ACTN4: variants seen among roughly 807,000 people sequenced by gnomAD.
ACTN4 encodes the protein actinin alpha 4.
In ACTN4, 18 loss-of-function variants were observed where a neutral mutation model predicts 114.2. The observed-to-expected ratio is 0.16, with a 90% confidence interval of 0.11 to 0.23. The LOEUF (loss-of-function observed/expected upper bound fraction) is 0.23. Among genes scored for constraint, ACTN4 ranks in the 10% least tolerant of loss-of-function variants. ACTN4 has a pLI of 1.00. For missense variants in ACTN4, 722 were observed against 1,262.9 expected (o/e 0.57, Z 6.49); for synonymous variants, 515 against 506.3 (o/e 1.02, Z -0.23).
chr19:38,652,813 C>T (rs1261035005), intron 1 of ACTN4, among the ~76,000 whole-genome samples: 1 of 152,192 alleles, frequency 6.6e-6, no homozygotes, highest in Admixed American at 6.5e-5. Context: ...TGGCCGGGCG[C>T]AGTGGCTCGC....
At position 38,681,586 on chromosome 19, in the gene ACTN4, C is replaced by T. The variant is rs572335244; in HGVS notation, c.163-19014C>T. Among the ~76,000 whole-genome samples the T allele has an allele frequency of 3.9e-5, 6 of 152,330 alleles. No homozygotes were observed. In the South Asian group the frequency reaches 1.0e-3, roughly 26 times the overall value. On this transcript the variant is annotated intron_variant, in intron 1 of 20. Coordinates refer to ENST00000252699, the MANE Select transcript of ACTN4 (RefSeq NM_004924.6). The stretch of plus-strand genomic sequence containing the variant: ...ACCTTCTCTCCAGGTCACCACTGAT[C>T]GCAATCGCGCTCTCCTTTCAAGGCC...
At chr19:38,679,678 G>C (rs1422134317) in intron 1 of ACTN4, among the ~76,000 whole-genome samples, 1 of 151,540 alleles carries the variant, frequency 6.6e-6, no homozygotes, top group East Asian at 1.9e-4. Context: ...TGCGGCCTCT[G>C]AACTCCTGGG....
In ACTN4 at chr19:38,724,139, C is replaced by T. The variant is rs1599857332; in HGVS notation, c.1693-18C>T. On this transcript the variant is annotated intron_variant, in intron 14 of 20. Transcript: ENST00000252699. This position sits in a 1 kb window ranked among gnomAD's most constrained non-coding sequence, Gnocchi z 7.0. ...TCTGTGGGGCTGGGCCGCCCCCTCA[C>T]TCCAGCTCCTCCCCTAGGGCCTGAT... 1.2e-6 allele frequency: 2 copies of T among 1,613,656 alleles called. No individual in the cohort carries two copies. Among genetic ancestry groups the T allele is most frequent in the Admixed American group, 1.7e-5 (1 of 60,004 alleles).
chr19:38,653,342 G>A (rs1431989227), intron 1 of ACTN4, among the ~76,000 whole-genome samples: 10 of 151,266 alleles, frequency 6.6e-5, no homozygotes, highest in African/African-American at 1.7e-4. Context: ...AACACTTTCC[G>A]TTTTTGCTAC....
In ACTN4 at chr19:38,674,830, A is replaced by G. The variant is rs565117091; in HGVS notation, c.163-25770A>G. 6.6e-5 allele frequency among the ~76,000 whole-genome samples: 10 copies of G among 152,320 alleles called. No homozygotes were observed. The South Asian group carries it at 2.1e-3, about 32-fold the overall frequency. Reference sequence around the variant, plus strand: ...CCTCTTGGAATTCAGGCATATGGTGACATCAGTGTGCCTACCATTCAGGTC... The same window carrying G: ...CCTCTTGGAATTCAGGCATATGGTGGCATCAGTGTGCCTACCATTCAGGTC... On this transcript the variant is annotated intron_variant, in intron 1 of 20. Coordinates refer to ENST00000252699, the MANE Select transcript of ACTN4 (RefSeq NM_004924.6).
Position 38,668,015 on chromosome 19 carries a change from A to G in ACTN4, c.162+20108A>G, listed in dbSNP as rs144970417. ...GCCAGGCCTGGTTAAGGAAGGAGTT[A>G]TGTCTCTGGAGGTGCCTGTTCCTTA... On this transcript the variant is annotated intron_variant, in intron 1 of 20. Transcript: ENST00000252699. Among the ~76,000 whole-genome samples, 9 of 152,334 alleles carry G rather than the reference A, an allele frequency of 5.9e-5. No individual in the cohort carries two copies. The East Asian group carries it at 1.3e-3, about 23-fold the overall frequency.
At chr19:38,718,139 C>A in intron 11 of ACTN4, 65 bp downstream of exon 11, 1 of 1,558,498 alleles carries the variant, frequency 6.4e-7, no homozygotes, top group Non-Finnish European at 8.7e-7. Flanking sequence ...GTCTCTCAGG[C>A]ATGCATGGGT....
chr19:38,714,183 G>C (rs1405853188), intron 8 of ACTN4, among the ~76,000 whole-genome samples: 1 of 152,218 alleles, frequency 6.6e-6, no homozygotes, highest in African/African-American at 2.4e-5. Context: ...ACCCTCCTCT[G>C]TGTGGGGCAC....
At position 38,674,419 on chromosome 19, in the gene ACTN4, C is replaced by T. The variant is rs191107596; in HGVS notation, c.163-26181C>T. ...GCTTTGATTCTACAAATATTTATTG[C>T]GTGCTAGTCACTGTTTTAGGTACTG... is the stretch of plus-strand genomic sequence containing the variant. On this transcript the variant is annotated intron_variant, in intron 1 of 20. Coordinates refer to ENST00000252699, the MANE Select transcript of ACTN4 (RefSeq NM_004924.6). Among the ~76,000 whole-genome samples the T allele has an allele frequency of 2.1e-3, 319 of 152,180 alleles. 2 individuals are homozygous for T. The highest frequency in any genetic ancestry group is 7.2e-3 in the African/African-American group (299 of 41,520).
chr19:38,724,338 A>G lies in ACTN4; in HGVS notation c.1874A>G (p.Lys625Arg). ...TPQIINSKWEKVQQLVPKRDH... is the reference protein window; with the variant it reads ...TPQIINSKWERVQQLVPKRDH... Reference sequence around the variant, plus strand: ...CAAATCATCAACTCCAAGTGGGAGAAGGTGGGCCGGGGCCATCCGTAGGGG... The same window carrying G: ...CAAATCATCAACTCCAAGTGGGAGAGGGTGGGCCGGGGCCATCCGTAGGGG... Residue 625 changes from lysine to arginine, a missense_variant and splice_region_variant, in exon 15 of 21, where the codon AAG (lysine) becomes AGG (arginine). By Grantham distance (26) the Lys-to-Arg change is conservative. This residue lies in a region of ACTN4 where 523 missense variants were observed against 875.9 expected (regional missense o/e 0.60). Coordinates refer to ENST00000252699, the MANE Select transcript of ACTN4 (RefSeq NM_004924.6). The surrounding 1 kb of genome is among the most constrained non-coding windows in gnomAD (Gnocchi z 7.0). The G allele has an allele frequency of 6.2e-7, 1 of 1,613,316 alleles. No homozygotes were observed. The highest frequency in any genetic ancestry group is 8.5e-7 in the Non-Finnish European group (1 of 1,179,904).
At chr19:38,683,170 A>G (rs543620694) in intron 1 of ACTN4, among the ~76,000 whole-genome samples, 2 of 152,134 alleles carry the variant, frequency 1.3e-5, no homozygotes, top group South Asian at 2.1e-4. Context: ...GGGAGGGGCT[A>G]TCTGGTGCCA....
chr19:38,731,213 C>G lies in ACTN4; in HGVS notation c.*1781C>G. On this transcript the variant is annotated 3_prime_UTR_variant, in exon 21 of 21. Coordinates refer to ENST00000252699, the MANE Select transcript of ACTN4 (RefSeq NM_004924.6). ...TGAGGGTCTGGGTCAGCTGGTTGTT[C>G]AGGTGGAAGCCTAGGGGGAGGCTGC... The G allele has an allele frequency of 2.5e-6, 4 of 1,612,588 alleles. No homozygotes were observed. The highest frequency in any genetic ancestry group is 3.4e-6 in the Non-Finnish European group (4 of 1,179,968).
At chr19:38,728,975 C>A in intron 19 of ACTN4, 21 bp from the exon 20 acceptor site, 2 of 1,612,112 alleles carry the variant, frequency 1.2e-6, no homozygotes, top group South Asian at 2.2e-5. Flanking sequence ...GGGTGTCCCC[C>A]ACCCCACCCT....
intron 1 of ACTN4, among the ~76,000 whole-genome samples, chr19:38,660,500 A>G (rs1330341508): frequency 6.6e-6 from 1 of 151,838 alleles, no homozygotes; most frequent in Non-Finnish European, 1.5e-5. Context: ...GGTTCAAGCA[A>G]TTCTCCTGCC....
At chr19:38,659,183 C>A (rs774946340) in intron 1 of ACTN4, among the ~76,000 whole-genome samples, 1 of 150,516 alleles carries the variant, frequency 6.6e-6, no homozygotes, top group Admixed American at 6.7e-5. Flanking sequence ...GCCTTAGGCT[C>A]CCGAGTAGCT....
intron 11 of ACTN4, among the ~76,000 whole-genome samples, chr19:38,721,202 GGTGCTACCTTTCTAAGCC>G (rs1316544682): frequency 6.6e-6 from 1 of 152,168 alleles, no homozygotes; most frequent in Non-Finnish European, 1.5e-5. Flanking sequence ...TCCAGAAACA[GGTGCTACCTTTCTAAGCC>G]GTGCTACCAC....
chr19:38,694,879 C>CGG (rs34150721), intron 1 of ACTN4, among the ~76,000 whole-genome samples: 15 of 151,958 alleles, frequency 9.9e-5, no homozygotes, highest in South Asian at 8.3e-4. Context: ...TGTAATTTTG[C>CGG]GGGGGGGCGG....
At chr19:38,671,373 C>T (rs773768375) in intron 1 of ACTN4, among the ~76,000 whole-genome samples, 8 of 152,230 alleles carry the variant, frequency 5.3e-5, no homozygotes, top group Non-Finnish European at 1.0e-4. Context: ...AGCCATTCTG[C>T]ACGCACAATA....
intron 1 of ACTN4, among the ~76,000 whole-genome samples, chr19:38,660,237 C>A (rs1976840641): frequency 6.6e-6 from 1 of 152,086 alleles, no homozygotes; most frequent in South Asian, 2.1e-4. Flanking sequence ...TCTACACGTT[C>A]TTGATCTATC....
Sources: gnomAD v4.1 joint callset for allele counts (sites outside exome capture counted in the v4.1 genomes callset) on GRCh38, gnomAD v4.1.1 for gene constraint, gnomAD v4.1.1 regional missense constraint, Gnocchi (gnomAD v3.1) non-coding constraint, MANE v1.5 for transcripts, NCBI Gene and HGNC (gene_info 2026-07-23, HGNC 2026-07-21) for gene names.